Variants in BDH1 observed in about 807,000 individuals in gnomAD.
BDH1 encodes the protein 3-hydroxybutyrate dehydrogenase 1.
In BDH1, 30 loss-of-function variants were observed where a neutral mutation model predicts 33.1. The observed-to-expected ratio is 0.91, with a 90% CI of 0.68 to 1.23. The LOEUF is 1.23. Ranked by LOEUF, BDH1 falls within the 50% of genes most tolerant of loss-of-function variation. The pLI is 0.00. For synonymous variants in BDH1, 190 were observed against 183.6 expected, an observed-to-expected ratio of 1.03 and a Z score of -0.28; for missense variants, 443 against 464.4, an observed-to-expected ratio of 0.95 and a Z score of 0.42.
chr3:197,556,868 A>C (rs750518228), upstream of BDH1, among the ~76,000 whole-genome samples: 4 of 152,212 alleles, frequency 2.6e-5, no homozygotes, highest in Non-Finnish European at 4.4e-5. Flanking sequence ...AGGAGAGAAG[A>C]CACCAGGACA....
intron 3 of BDH1, among the ~76,000 whole-genome samples, chr3:197,545,371 T>C (rs956582772): frequency 6.6e-6 from 1 of 152,244 alleles, no homozygotes; most frequent in Non-Finnish European, 1.5e-5. Flanking sequence ...ACTGATTTCA[T>C]GCATAAAGTT....
upstream of BDH1, among the ~76,000 whole-genome samples, chr3:197,557,564 G>A (rs530080564): frequency 2.0e-5 from 3 of 152,320 alleles, no homozygotes; most frequent in African/African-American, 7.2e-5. This position sits in a 1 kb window ranked among gnomAD's most constrained non-coding sequence, Gnocchi z 4.6. Context: ...GGCCAATGTG[G>A]TGAAACCCTG....
intron 3 of BDH1, among the ~76,000 whole-genome samples, chr3:197,540,009 G>C (rs1419774684): frequency 6.6e-6 from 1 of 152,090 alleles, no homozygotes; most frequent in Non-Finnish European, 1.5e-5. Context: ...TACATCCCTA[G>C]TGGAACTAGA....
chr3:197,549,259 G>A (rs948346962), intron 2 of BDH1, among the ~76,000 whole-genome samples: 2 of 152,170 alleles, frequency 1.3e-5, no homozygotes, highest in Non-Finnish European at 2.9e-5. Flanking sequence ...TGGAATCTTG[G>A]AGACATTTTT....
intron 5 of BDH1, among the ~76,000 whole-genome samples, chr3:197,524,539 C>A (rs1185577366): frequency 6.6e-6 from 1 of 152,136 alleles, no homozygotes; most frequent in Non-Finnish European, 1.5e-5. Context: ...GACGTAGTCA[C>A]CCCGGAGAGA....
chr3:197,523,017 G>A lies in BDH1; in HGVS notation c.268-236C>T, dbSNP rs924457990. 2.4e-5 allele frequency: 12 copies of A among 497,850 alleles called. No individual in the cohort carries two copies. Among genetic ancestry groups the A allele is most frequent in the African/African-American group, 7.8e-5 (4 of 51,426 alleles). 30.8% of individuals were successfully genotyped at this position (497,850 alleles called of 1,614,324 possible). On this transcript the variant is annotated intron_variant, in intron 5 of 7. Transcript: ENST00000392379. The surrounding 1 kb of genome is among the most constrained non-coding windows in gnomAD (Gnocchi z 4.5). ...ACAACCATGAATAGGATGAAGAGCC[G>A]GCCCCCAAGGCCTCAAGACAGGATT...
Position 197,522,750 on chromosome 3 carries a change from T to A in BDH1, c.299A>T (p.Asp100Val), listed in dbSNP as rs1417850831. The change falls in exon 6 of 8, where the codon GAC (aspartate) becomes GTC (valine). Residue 100 changes from aspartate (D) to valine (V), a missense_variant. Transcript: ENST00000392379. This position sits in a 1 kb window ranked among gnomAD's most constrained non-coding sequence, Gnocchi z 4.8. ...TCTCAATCGGTCACTGTTTAGGCTG[T>A]CCAGCTCCTTGACCCCATCATGGCC... is the stretch of plus-strand genomic sequence containing the variant. Reference protein sequence around the residue: ...DKGHDGVKELDSLNSDRLRTV... With the variant: ...DKGHDGVKELVSLNSDRLRTV... 1.2e-6 allele frequency: 2 copies of A among 1,614,132 alleles called. No homozygotes were observed. Among genetic ancestry groups the A allele is most frequent in the Non-Finnish European group, 1.7e-6 (2 of 1,180,002 alleles).
upstream of BDH1, among the ~76,000 whole-genome samples, chr3:197,560,952 T>C (rs1243724145): frequency 6.6e-6 from 1 of 152,204 alleles, no homozygotes; most frequent in Non-Finnish European, 1.5e-5. Flanking sequence ...TTGTCCACCT[T>C]TCTGGGCCAA....
At chr3:197,570,975 G>GA (rs1318689082) in intron 1 of BDH1, among the ~76,000 whole-genome samples, 6 of 152,346 alleles carry the variant, frequency 3.9e-5, no homozygotes, top group Non-Finnish European at 8.8e-5. Flanking sequence ...TAGCAGCCAG[G>GA]AGGGAGGGTG....
intron 1 of BDH1, among the ~76,000 whole-genome samples, chr3:197,564,339 A>G (rs74356663): frequency 0.14 from 20,886 of 151,954 alleles, 1,645 homozygotes; most frequent in African/African-American, 0.21. Context: ...TATATGATCA[A>G]GTTGTCATAT....
chr3:197,512,558 G>C (rs1462538789), intron 7 of BDH1, among the ~76,000 whole-genome samples, 194 bp from the exon 8 acceptor site: 1 of 152,260 alleles, frequency 6.6e-6, no homozygotes, highest in Non-Finnish European at 1.5e-5. Context: ...GAACCTGGCT[G>C]TGCCAGGCAG....
chr3:197,531,182 G>A (rs1202362989), intron 5 of BDH1, among the ~76,000 whole-genome samples: 1 of 152,020 alleles, frequency 6.6e-6, no homozygotes, highest in African/African-American at 2.4e-5. Context: ...GATCACCTGA[G>A]GACAGGAGTT....
chr3:197,546,147 AAT>A (rs1553874664), intron 3 of BDH1: 116 of 490,998 alleles, frequency 2.4e-4, no homozygotes, highest in Non-Finnish European at 3.1e-4. Flanking sequence ...AAGAAAAAAA[AAT>A]AAGTGGTTAT....
upstream of BDH1, among the ~76,000 whole-genome samples, chr3:197,557,872 G>A (rs1717126120): frequency 6.6e-6 from 1 of 152,164 alleles, no homozygotes. The surrounding 1 kb of genome is among the most constrained non-coding windows in gnomAD (Gnocchi z 4.6). Flanking sequence ...TTCTGTTCCC[G>A]TTTCACAGAT....
At chr3:197,536,927 CTATT>C (rs1715208526) in intron 3 of BDH1, among the ~76,000 whole-genome samples, 1 of 152,196 alleles carries the variant, frequency 6.6e-6, no homozygotes, top group South Asian at 2.1e-4. Flanking sequence ...TTTGTTACAT[CTATT>C]TCTCTCTTTT....
chr3:197,550,342 C>T (rs1428408905), intron 2 of BDH1, among the ~76,000 whole-genome samples: 1 of 152,176 alleles, frequency 6.6e-6, no homozygotes, highest in Non-Finnish European at 1.5e-5. Context: ...AGAGACATTC[C>T]AGTCACCAGA....
At chr3:197,559,916 G>A (rs1340455714), upstream of BDH1, among the ~76,000 whole-genome samples, 2 of 152,170 alleles carry the variant, frequency 1.3e-5, 1 homozygote, top group Non-Finnish European at 2.9e-5. Flanking sequence ...ACAGTCTGTG[G>A]AAATCAGGTC....
rs1397252855 is a variant in BDH1 at position 197,516,962 on chromosome 3, A to G, written c.410-2546T>C. Among the ~76,000 whole-genome samples, 4 of 152,208 alleles carry G rather than the reference A, an allele frequency of 2.6e-5. No homozygotes were observed. The South Asian group carries it at 6.2e-4, about 24-fold the overall frequency. ...TCAGAGAGGTTAAGCACCTTGGTCA[A>G]TGTCACCCAGCTAACAGGCAGGGAG... On this transcript the variant is annotated intron_variant, in intron 6 of 7. Coordinates refer to ENST00000392379, the MANE Select transcript of BDH1 (RefSeq NM_203314.3). The surrounding 1 kb of genome is among the most constrained non-coding windows in gnomAD (Gnocchi z 4.2).
At chr3:197,551,626 T>G (rs11928702) in intron 2 of BDH1, among the ~76,000 whole-genome samples, 12,769 of 152,186 alleles carry the variant, frequency 0.084, 836 homozygotes, top group African/African-American at 0.18. Context: ...AGCTCTATTT[T>G]TTGTTTTTGG....
Sources: allele counts gnomAD v4.1 joint callset (sites outside exome capture counted in the v4.1 genomes callset), GRCh38; gene constraint gnomAD v4.1.1; non-coding constraint Gnocchi (gnomAD v3.1); transcripts MANE v1.5; gene names NCBI Gene and HGNC (gene_info 2026-07-23, HGNC 2026-07-21).